The following MTOR variants were observed in gnomAD, a reference collection of about 807,000 sequenced individuals.
MTOR encodes the protein mechanistic target of rapamycin kinase, also known as serine/threonine-protein kinase mTOR.
In MTOR, 70 loss-of-function variants were observed where a neutral mutation model predicts 319.8. The ratio of observed to expected loss-of-function variants is 0.22; its 90% CI spans 0.18 to 0.27. The LOEUF (loss-of-function observed/expected upper bound fraction) is 0.27, where lower values mean the gene tolerates loss of function less well. Ranked by LOEUF, MTOR falls within the 10% of genes least tolerant of loss-of-function variation. MTOR has a pLI of 1.00. For synonymous variants in MTOR, 1,183 were observed against 1,211.4 expected, an observed-to-expected ratio of 0.98 and a Z score of 0.49; for missense variants, 1,890 against 3,274.4, an observed-to-expected ratio of 0.58 and a Z score of 10.32.
rs149422025 is a variant in MTOR at position 11,127,526 on chromosome 1, A to G, written c.6216+98T>C. The G allele has an allele frequency of 2.8e-5, 39 of 1,402,720 alleles. No homozygotes were observed. Among genetic ancestry groups the G allele is most frequent in the Non-Finnish European group, 3.7e-5 (38 of 1,038,166 alleles). The allele number at this position is 1,402,720 out of a possible 1,614,324, so 86.9% of individuals were successfully genotyped here. On this transcript the variant is annotated intron_variant, in intron 44 of 57. Transcript: ENST00000361445. This position sits in a 1 kb window ranked among gnomAD's most constrained non-coding sequence, Gnocchi z 5.5. ...AGAAATCTGACAAAGGCCTTGGGTC[A>G]CGTCCTTTCATTCTATAAAAACTTT...
intron 45 of MTOR, 90 bp from the exon 46 acceptor site, chr1:11,126,886 A>C: frequency 6.3e-7 from 1 of 1,576,526 alleles, no homozygotes; most frequent in South Asian, 1.2e-5. Context: ...TGCTAATAAC[A>C]ATTACTTGTC....
At chr1:11,179,020 G>T (rs181328314) in intron 28 of MTOR, among the ~76,000 whole-genome samples, 1 of 152,142 alleles carries the variant, frequency 6.6e-6, no homozygotes, top group East Asian at 1.9e-4. Flanking sequence ...TGGGTTCAGG[G>T]AAAAGAAAAA....
chr1:11,251,338 C>G (rs1452242904), intron 6 of MTOR, among the ~76,000 whole-genome samples: 5 of 152,176 alleles, frequency 3.3e-5, no homozygotes. Flanking sequence ...ACCTGTAGGG[C>G]TTTTTTCTAA....
intron 18 of MTOR, among the ~76,000 whole-genome samples, chr1:11,229,401 G>A (rs974530533): frequency 3.9e-5 from 6 of 152,144 alleles, no homozygotes; most frequent in African/African-American, 7.2e-5. Flanking sequence ...CGGTGGCAGC[G>A]GGGGCAGTGG....
intron 19 of MTOR, 87 bp from the exon 20 acceptor site, chr1:11,216,321 G>T: frequency 1.1e-6 from 1 of 934,774 alleles, no homozygotes. Flanking sequence ...ACAAATAAAG[G>T]CAACTATGGA....
At chr1:11,171,312 T>C (rs1644807499) in intron 28 of MTOR, among the ~76,000 whole-genome samples, 1 of 152,024 alleles carries the variant, frequency 6.6e-6, no homozygotes, top group African/African-American at 2.4e-5. Context: ...AGACAGGGTC[T>C]TGCTCTGTTA....
intron 17 of MTOR, 63 bp downstream of exon 17, chr1:11,231,237 C>T (rs1396138698): frequency 6.2e-7 from 1 of 1,605,846 alleles, no homozygotes; most frequent in Non-Finnish European, 8.5e-7. Context: ...AATGCTGCAA[C>T]CATCTCTCTC....
At position 11,107,221 on chromosome 1, in the gene MTOR, A is replaced by T; in HGVS notation, c.*264T>A. 2.1e-6 allele frequency: 3 copies of T among 1,405,784 alleles called. No homozygotes were observed. The highest frequency in any genetic ancestry group is 2.8e-6 in the Non-Finnish European group (3 of 1,070,938). 87.1% of individuals were successfully genotyped at this position (1,405,784 alleles called of 1,614,324 possible). A position where few individuals can be genotyped will look rare whatever the true frequency, so the allele number is the denominator to read the frequency against. On this transcript the variant is annotated 3_prime_UTR_variant, in exon 58 of 58. Transcript: ENST00000361445. ...AAAGTTATGGATCTTCTGTTCCCCA[A>T]AATGAATGGCTTGATTTACGTGGTA...
rs557430889 is a variant in MTOR at position 11,164,666 on chromosome 1, A to G, written c.4329+2776T>C. Among the ~76,000 whole-genome samples the G allele has an allele frequency of 1.6e-3, 248 of 152,316 alleles. 2 individuals carry two copies. Among genetic ancestry groups the G allele is most frequent in the African/African-American group, 5.5e-3 (229 of 41,580 alleles). On this transcript the variant is annotated intron_variant, in intron 29 of 57. Transcript: ENST00000361445. ...TTCACAGCCGAATTCTACCAGTGGT[A>G]CAAAGAGGAGCTGGTACCATTCCTT...
Position 11,212,701 on chromosome 1 carries a change from A to G in MTOR, c.3398+95T>C. 1 of 1,248,358 alleles carries G rather than the reference A, an allele frequency of 8.0e-7. No homozygotes were observed. The highest frequency in any genetic ancestry group is 1.1e-6 in the Non-Finnish European group (1 of 874,362). The allele number at this position is 1,248,358 out of a possible 1,614,324, so 77.3% of individuals were successfully genotyped here. On this transcript the variant is annotated intron_variant, in intron 22 of 57. Transcript: ENST00000361445. This position sits in a 1 kb window ranked among gnomAD's most constrained non-coding sequence, Gnocchi z 4.1. ...AAATAATGTGAGTTGAAATAACAAA[A>G]AAAATAGAAAGATGGCCTGGGAACT...
At chr1:11,226,176 G>T (rs1175351427) in intron 19 of MTOR, 1 of 151,956 alleles carries the variant, frequency 6.6e-6, no homozygotes, top group Non-Finnish European at 1.5e-5. Flanking sequence ...ACAGACTAAA[G>T]AATTCAATAT....
At chr1:11,118,690 C>T (rs1469000451) in intron 49 of MTOR, among the ~76,000 whole-genome samples, 1 of 149,268 alleles carries the variant, frequency 6.7e-6, no homozygotes, top group Non-Finnish European at 1.5e-5. Flanking sequence ...TGCAGTGGCA[C>T]AATCTCAGCT....
intron 30 of MTOR, among the ~76,000 whole-genome samples, chr1:11,154,101 A>AAAAAAAAC (rs1644241934): frequency 6.9e-6 from 1 of 144,300 alleles, no homozygotes; most frequent in Non-Finnish European, 1.5e-5. Flanking sequence ...AAAAAAAAAA[A>AAAAAAAAC]AAGCCACATG....
At position 11,128,229 on chromosome 1, in the gene MTOR, T is replaced by A. The variant is rs2100416109; in HGVS notation, c.5911-103A>T. Reference sequence around the variant, plus strand: ...ACAAAACAAGTGGTGAGTGTGACATTAACATCTGCTTGAGACTACCAGGAA... The same window carrying A: ...ACAAAACAAGTGGTGAGTGTGACATAAACATCTGCTTGAGACTACCAGGAA... On this transcript the variant is annotated intron_variant, in intron 42 of 57. Transcript: ENST00000361445. The surrounding 1 kb of genome is among the most constrained non-coding windows in gnomAD (Gnocchi z 5.3). 6.7e-7 allele frequency: 1 copy of A among 1,491,864 alleles called. No homozygotes were observed. The highest frequency in any genetic ancestry group is 9.1e-7 in the Non-Finnish European group (1 of 1,093,794). The allele number at this position is 1,491,864 out of a possible 1,614,324, so 92.4% of individuals were successfully genotyped here.
intron 49 of MTOR, among the ~76,000 whole-genome samples, chr1:11,120,861 CCA>C (rs751744825): frequency 4.1e-4 from 63 of 152,100 alleles, no homozygotes; most frequent in South Asian, 1.0e-3. Flanking sequence ...TTGGCTGAAT[CCA>C]CAGATGCAGA....
At position 11,253,847 on chromosome 1, in the gene MTOR, C is replaced by G. The variant is rs932872179; in HGVS notation, c.832G>C (p.Glu278Gln). 7.4e-6 allele frequency: 12 copies of G among 1,614,036 alleles called. No individual in the cohort carries two copies. The highest frequency in any genetic ancestry group is 1.1e-5 in the South Asian group (1 of 91,086). The change falls in exon 6 of 58, where the codon GAG becomes CAG. Residue 278 changes from glutamate to glutamine, a missense_variant. Physicochemically the swap from Glu to Gln is conservative, Grantham distance 29 (BLOSUM62 2). Transcript: ENST00000361445. ...LNELVRISSM[E>Q]GERLREEMEE... ...CTGCCGTGGCTTCTCACCTCTCCCTCCATGCTGCTGATTCGGACCAGCTCG... is the reference window on the plus strand; with the variant it reads ...CTGCCGTGGCTTCTCACCTCTCCCTGCATGCTGCTGATTCGGACCAGCTCG...
At chr1:11,170,486 C>A (rs990741430) in intron 28 of MTOR, among the ~76,000 whole-genome samples, 11 of 151,860 alleles carry the variant, frequency 7.2e-5, no homozygotes, top group African/African-American at 2.7e-4. Flanking sequence ...GAGGTTGAGG[C>A]AGGAGGATTG....
At position 11,129,051 on chromosome 1, in the gene MTOR, T is replaced by A. The variant is rs1642988110; in HGVS notation, c.5715-100A>T. 1 of 933,344 alleles carries A rather than the reference T, an allele frequency of 1.1e-6. No homozygotes were observed. The allele number at this position is 933,344 out of a possible 1,614,324, so 57.8% of individuals were successfully genotyped here. On this transcript the variant is annotated intron_variant, in intron 40 of 57. Transcript: ENST00000361445. This position sits in a 1 kb window ranked among gnomAD's most constrained non-coding sequence, Gnocchi z 4.7. ...TCCTGAGAAGAGAGCTGGCAGGGAC[T>A]CCAACCAGTAACTCTCAAATGTGTT...
chr1:11,114,748 G>T, intron 52 of MTOR, 65 bp downstream of exon 52: 1 of 1,493,970 alleles, frequency 6.7e-7, no homozygotes, highest in Non-Finnish European at 9.3e-7. Flanking sequence ...TAACAAGCGT[G>T]TTCTCAGAAG....
Sources: allele counts gnomAD v4.1 joint callset (sites outside exome capture counted in the v4.1 genomes callset), GRCh38; gene constraint gnomAD v4.1.1; non-coding constraint Gnocchi (gnomAD v3.1); transcripts MANE v1.5; gene names NCBI Gene and HGNC (gene_info 2026-07-23, HGNC 2026-07-21).